The following DAGLA variants were observed in gnomAD, a reference collection of about 807,000 sequenced individuals.
DAGLA encodes the protein diacylglycerol lipase alpha, also known as diacylglycerol lipase-alpha.
In DAGLA, 22 loss-of-function variants were observed where a neutral mutation model predicts 102.6. That is an observed-to-expected ratio of 0.21 (90% CI 0.15 to 0.31). DAGLA has a LOEUF of 0.31. DAGLA is among the 10% of genes least tolerant of loss of function. The pLI, the probability that DAGLA is intolerant of heterozygous loss-of-function variation, is 1.00. For synonymous variants in DAGLA, 578 were observed against 628.9 expected, an observed-to-expected ratio of 0.92 and a Z score of 1.21; for missense variants, 927 against 1,446.6, an observed-to-expected ratio of 0.64 and a Z score of 5.83.
intron 1 of DAGLA, among the ~76,000 whole-genome samples, chr11:61,698,692 G>C (rs1049841065): frequency 6.6e-6 from 1 of 152,216 alleles, no homozygotes; most frequent in African/African-American, 2.4e-5. Context: ...TGGCCCGGGG[G>C]CCTTGTCTGA....
rs529987949 is a variant in DAGLA, at chr11:61,743,772, G to A, written c.2412G>A (p.Arg804=). ...GCTCCTCAGGCTTCCGCAGCATCCG[G>A]GGCTCCCCCAGCCTCCACGCTGTGC... ...SRRSSGFRSI[R]GSPSLHAVLE... The change falls in exon 20 of 20, where the codon CGG becomes CGA. Residue 804 remains arginine (R), a synonymous_variant. Transcript: ENST00000257215. 1.9e-5 allele frequency: 31 copies of A among 1,612,506 alleles called. 1 individual carries two copies. In the South Asian group the frequency reaches 2.9e-4, roughly 15 times the overall value.
chr11:61,731,282 CAGG>C (rs1445328205), intron 8 of DAGLA, 32 bp from the exon 9 acceptor site: 1 of 1,610,658 alleles, frequency 6.2e-7, no homozygotes, highest in Admixed American at 1.7e-5. Flanking sequence ...GCAGGAAGGG[CAGG>C]AGGTGACCGC....
At chr11:61,739,415 G>A (rs761315400) in intron 16 of DAGLA, 50 bp from the exon 17 acceptor site, 1 of 1,443,620 alleles carries the variant, frequency 6.9e-7, no homozygotes, top group Non-Finnish European at 9.4e-7. Flanking sequence ...CTGCCCCCCA[G>A]CCAGTGCTAC....
chr11:61,720,897 G>T lies in DAGLA; in HGVS notation c.307+7G>T, dbSNP rs763768642. ...GTGCTCTACGTGCGCCTGGGTAAGG[G>T]CCACCCACCCTGGGGTGCTGCCCCA... On this transcript the variant is annotated splice_region_variant and intron_variant, in intron 3 of 19. Transcript: ENST00000257215. The T allele has an allele frequency of 6.2e-6, 10 of 1,609,300 alleles. No individual in the cohort carries two copies. The highest frequency in any genetic ancestry group is 1.7e-4 in the Middle Eastern group (1 of 5,762).
chr11:61,695,810 C>G (rs117280422), intron 1 of DAGLA, among the ~76,000 whole-genome samples: 2,292 of 152,264 alleles, frequency 0.015, 31 homozygotes, highest in Non-Finnish European at 0.023. Flanking sequence ...AGAGCAGTGG[C>G]CTTGCCTGGA....
chr11:61,739,865 G>A (rs760853875), intron 17 of DAGLA, among the ~76,000 whole-genome samples: 39 of 152,320 alleles, frequency 2.6e-4, no homozygotes, highest in African/African-American at 3.8e-4. Flanking sequence ...GACTCCAGGC[G>A]TCTCTCTCCA....
At chr11:61,692,777 G>C (rs1160421641) in intron 1 of DAGLA, among the ~76,000 whole-genome samples, 1 of 152,006 alleles carries the variant, frequency 6.6e-6, no homozygotes, top group Non-Finnish European at 1.5e-5. Flanking sequence ...TAGAGAGTTG[G>C]TTGAATGAAC....
chr11:61,696,391 GCCGTCCGT>G (rs1565247924), intron 1 of DAGLA, among the ~76,000 whole-genome samples: 1 of 152,102 alleles, frequency 6.6e-6, no homozygotes, highest in Non-Finnish European at 1.5e-5. Flanking sequence ...CTGACGCCCA[GCCGTCCGT>G]CCGTCAAGGA....
chr11:61,686,087 G>C lies in DAGLA; in HGVS notation c.-45+5583G>C, dbSNP rs1364958757. Among the ~76,000 whole-genome samples, 1 of 152,118 alleles carries C rather than the reference G, an allele frequency of 6.6e-6. No homozygotes were observed. The highest frequency in any genetic ancestry group is 1.5e-5 in the Non-Finnish European group (1 of 68,016). Reference sequence around the variant, plus strand: ...CAGGGTACTGAGGGACAAGAGTAGGGGGTGCCCAGGTACAGAGGGCTTGAA... The same window carrying C: ...CAGGGTACTGAGGGACAAGAGTAGGCGGTGCCCAGGTACAGAGGGCTTGAA... On this transcript the variant is annotated intron_variant, in intron 1 of 19. Transcript: ENST00000257215. This position sits in a 1 kb window ranked among gnomAD's most constrained non-coding sequence, Gnocchi z 5.2.
At position 61,735,664 on chromosome 11, in the gene DAGLA, C is replaced by A. The variant is rs1469258874; in HGVS notation, c.1212+20C>A. On this transcript the variant is annotated intron_variant, in intron 11 of 19. Coordinates refer to ENST00000257215, the MANE Select transcript of DAGLA (RefSeq NM_006133.3). ...CCCAAGGTACGCTGCCCATGGCTCCCAGCCCCCGGGGGTGCCTGCCTCCCT... is the reference window on the plus strand; with the variant it reads ...CCCAAGGTACGCTGCCCATGGCTCCAAGCCCCCGGGGGTGCCTGCCTCCCT... 1 of 1,613,560 alleles carries A rather than the reference C, an allele frequency of 6.2e-7. No homozygotes were observed. The highest frequency in any genetic ancestry group is 1.7e-5 in the Admixed American group (1 of 59,984).
chr11:61,695,460 A>G (rs1270869983), intron 1 of DAGLA, among the ~76,000 whole-genome samples: 1 of 152,100 alleles, frequency 6.6e-6, no homozygotes, highest in Non-Finnish European at 1.5e-5. Context: ...GCTGAGTCCA[A>G]CCCACTCCCA....
At chr11:61,687,864 C>G (rs1004456465) in intron 1 of DAGLA, among the ~76,000 whole-genome samples, 2 of 151,884 alleles carry the variant, frequency 1.3e-5, no homozygotes, top group Admixed American at 1.3e-4. Context: ...CTGGAGTGTT[C>G]CTGGCTCTGC....
chr11:61,722,946 A>G lies in DAGLA; in HGVS notation c.395A>G (p.Lys132Arg), dbSNP rs1363562346. Reference protein sequence around the residue: ...YYTSCNDLTAKNVTLGMVVCN... With the variant: ...YYTSCNDLTARNVTLGMVVCN... ...ACCTCCTGCAACGACCTCACTGCCAAGAATGTCACCCTCGGTACGTCTGGG... is the reference window on the plus strand; with the variant it reads ...ACCTCCTGCAACGACCTCACTGCCAGGAATGTCACCCTCGGTACGTCTGGG... The change falls in exon 4 of 20, where the codon AAG becomes AGG. Residue 132 changes from lysine to arginine, a missense_variant. This residue lies in a region of DAGLA where 231 missense variants were observed against 439.8 expected (regional missense o/e 0.53). Coordinates refer to ENST00000257215, the MANE Select transcript of DAGLA (RefSeq NM_006133.3). The G allele has an allele frequency of 1.1e-5, 17 of 1,613,928 alleles. No individual in the cohort carries two copies. Among genetic ancestry groups the G allele is most frequent in the Non-Finnish European group, 1.4e-5 (17 of 1,179,830 alleles).
At chr11:61,687,747 G>A (rs951222530) in intron 1 of DAGLA, among the ~76,000 whole-genome samples, 2 of 152,210 alleles carry the variant, frequency 1.3e-5, no homozygotes, top group Admixed American at 6.5e-5. Flanking sequence ...CAATCATGGC[G>A]AAATAACATT....
chr11:61,739,412 C>T, intron 16 of DAGLA, 53 bp from the exon 17 acceptor site: 2 of 1,569,306 alleles, frequency 1.3e-6, no homozygotes, highest in Non-Finnish European at 1.7e-6. Flanking sequence ...CCCCTGCCCC[C>T]CAGCCAGTGC....
chr11:61,693,177 G>A (rs1335778072), intron 1 of DAGLA, among the ~76,000 whole-genome samples: 2 of 151,814 alleles, frequency 1.3e-5, no homozygotes, highest in Admixed American at 6.6e-5. Context: ...TGTATTTTTA[G>A]TACAGACGGG....
intron 1 of DAGLA, among the ~76,000 whole-genome samples, chr11:61,698,358 C>T (rs1409623507): frequency 6.6e-6 from 1 of 152,250 alleles, no homozygotes; most frequent in Non-Finnish European, 1.5e-5. Flanking sequence ...CGCATGTTCT[C>T]CAAACATCTT....
At position 61,695,880 on chromosome 11, in the gene DAGLA, G is replaced by A. The variant is rs190651574; in HGVS notation, c.-45+15376G>A. Among the ~76,000 whole-genome samples, 12 of 152,276 alleles carry A rather than the reference G, an allele frequency of 7.9e-5. No individual in the cohort carries two copies. In the East Asian group the frequency reaches 1.4e-3, roughly 17 times the overall value. On this transcript the variant is annotated intron_variant, in intron 1 of 19. Coordinates refer to ENST00000257215, the MANE Select transcript of DAGLA (RefSeq NM_006133.3). The stretch of plus-strand genomic sequence containing the variant: ...TAGGGTGTGCATCCCTGCGTGCCCC[G>A]GTGAGACCCTGGAAAGCCAGATACC...
At chr11:61,685,726 G>A (rs2064981425) in intron 1 of DAGLA, among the ~76,000 whole-genome samples, 1 of 152,086 alleles carries the variant, frequency 6.6e-6, no homozygotes, top group South Asian at 2.1e-4. Context: ...GGGGAGACTC[G>A]GGTGGCCACG....
Sources: gnomAD v4.1 joint callset for allele counts (sites outside exome capture counted in the v4.1 genomes callset) on GRCh38, gnomAD v4.1.1 for gene constraint, gnomAD v4.1.1 regional missense constraint, Gnocchi (gnomAD v3.1) non-coding constraint, MANE v1.5 for transcripts, NCBI Gene and HGNC (gene_info 2026-07-23, HGNC 2026-07-21) for gene names.